The following GAREM2 variants were observed in gnomAD, a reference collection of about 807,000 sequenced individuals.
GAREM2 encodes GRB2-associated and regulator of MAPK protein 2.
A neutral mutation model predicts 55.6 loss-of-function variants in GAREM2; 30 were observed. The observed-to-expected ratio is 0.54, with a 90% confidence interval of 0.40 to 0.73. The LOEUF is 0.73. GAREM2 is among the 30% of genes least tolerant of loss of function. The probability of loss-of-function intolerance (pLI) is 0.00; values close to 1 mark genes in which losing one functional copy is unlikely to be tolerated. For missense variants in GAREM2, 1,075 were observed against 1,257.7 expected (o/e 0.85, Z 2.20); for synonymous variants, 550 against 569.1 (o/e 0.97, Z 0.48).
chr2:26,176,250 C>A, intron 1 of GAREM2, 94 bp from the exon 2 acceptor site: 1 of 1,219,394 alleles, frequency 8.2e-7, no homozygotes. Flanking sequence ...CTCAGGGGGG[C>A]GGTCTTGGTG....
chr2:26,173,818 G>C (rs1383734591), intron 1 of GAREM2, among the ~76,000 whole-genome samples: 1 of 152,206 alleles, frequency 6.6e-6, no homozygotes, highest in Non-Finnish European at 1.5e-5. Flanking sequence ...CTCTTCCCTA[G>C]GAGCAGCCTC....
the GAREM2 span, chr2:26,195,082 A>G: frequency 1.2e-6 from 2 of 1,609,344 alleles, no homozygotes; most frequent in African/African-American, 2.7e-5. Flanking sequence ...TCTGTTATAC[A>G]GCCCCTTACC....
chr2:26,175,299 T>C (rs1343249945), intron 1 of GAREM2, among the ~76,000 whole-genome samples: 2 of 151,642 alleles, frequency 1.3e-5, no homozygotes, highest in Non-Finnish European at 2.9e-5. Flanking sequence ...CCCCTCCTGC[T>C]CCCCTGGAAA....
the GAREM2 span, chr2:26,204,073 T>C: frequency 1.8e-5 from 29 of 1,613,922 alleles, 1 homozygote; most frequent in East Asian, 5.3e-4. Flanking sequence ...CTTTGAACAC[T>C]TGTTGCTGTC....
intron 2 of GAREM2, among the ~76,000 whole-genome samples, chr2:26,178,068 C>T (rs115049643): frequency 0.02 from 2,988 of 152,250 alleles, 106 homozygotes; most frequent in African/African-American, 0.067. Flanking sequence ...AGGACTGAGC[C>T]CTTTACAGAG....
chr2:26,191,178 C>T (rs1291779477), downstream of GAREM2: 2 of 1,456,432 alleles, frequency 1.4e-6, no homozygotes, highest in African/African-American at 1.4e-5. Flanking sequence ...AATCTAGACA[C>T]CACTCTGTTG....
the GAREM2 span, chr2:26,194,766 T>C: frequency 2.8e-5 from 21 of 742,014 alleles, no homozygotes; most frequent in African/African-American, 1.0e-4. Context: ...ACTTAAAATC[T>C]CAATCAGAAT....
chr2:26,177,376 A>G (rs1228682248), intron 2 of GAREM2, among the ~76,000 whole-genome samples: 1 of 152,206 alleles, frequency 6.6e-6, no homozygotes, highest in Non-Finnish European at 1.5e-5. Context: ...GCTGCATGCC[A>G]TATGCTGGGC....
chr2:26,186,495 G>T, intron 5 of GAREM2, 137 bp downstream of exon 5: 1 of 797,966 alleles, frequency 1.3e-6, no homozygotes, highest in Non-Finnish European at 2.0e-6. Context: ...TCCCTGTGCA[G>T]TGGCTCAGGG....
In GAREM2 at chr2:26,187,537, G is replaced by T. The variant is rs748352726; in HGVS notation, c.1905G>T (p.Gly635=). ...APFGALNPFS[G]PAYPSGPSAA... ...TTGGAGCTCTCAACCCTTTTTCCGG[G>T]CCTGCCTACCCCTCAGGCCCTTCAG... The change falls in exon 6 of 6, where the codon GGG becomes GGT. Residue 635 remains glycine, a synonymous_variant. Coordinates refer to ENST00000401533, the MANE Select transcript of GAREM2 (RefSeq NM_001168241.2). 3.9e-6 allele frequency: 6 copies of T among 1,534,562 alleles called. No homozygotes were observed. Among genetic ancestry groups the T allele is most frequent in the South Asian group, 3.7e-5 (3 of 81,404 alleles).
chr2:26,201,168 A>G, the GAREM2 span: 5 of 1,613,504 alleles, frequency 3.1e-6, no homozygotes, highest in East Asian at 1.1e-4. Context: ...TTCCTTTAGC[A>G]CTCTGTGCTT....
At chr2:26,199,267 C>G in the GAREM2 span, 1 of 152,386 alleles carries the variant, frequency 6.6e-6, no homozygotes, top group East Asian at 1.9e-4. Flanking sequence ...ACTCAGGAGG[C>G]TGAAGTGAGA....
chr2:26,198,759 A>C, the GAREM2 span, among the ~76,000 whole-genome samples: 1 of 152,188 alleles, frequency 6.6e-6, no homozygotes, highest in African/African-American at 2.4e-5. Flanking sequence ...TAGTTAATCA[A>C]GAGTGGAGGG....
the GAREM2 span, among the ~76,000 whole-genome samples, chr2:26,202,062 G>T: frequency 9.0e-4 from 136 of 151,912 alleles, no homozygotes; most frequent in African/African-American, 3.0e-3. Context: ...GCCTCCCAAA[G>T]TGTTGGGATT....
chr2:26,195,252 G>A, the GAREM2 span: 5 of 1,607,626 alleles, frequency 3.1e-6, no homozygotes, highest in Non-Finnish European at 3.4e-6. Flanking sequence ...GGAACCAAAA[G>A]CCAACAGATC....
At position 26,184,707 on chromosome 2, in the gene GAREM2, C is replaced by T. The variant is rs1208850105; in HGVS notation, c.859C>T (p.His287Tyr). The change falls in exon 4 of 6, where the codon CAT becomes TAT. Residue 287 changes from histidine (H) to tyrosine (Y), a missense_variant. By Grantham distance (83) the His-to-Tyr change is moderately conservative. This residue lies in a region of GAREM2 where 170 missense variants were observed against 220.7 expected (regional missense o/e 0.77). Transcript: ENST00000401533. ...CGACCTGCACCCGGTGCGGGAGGGT[C>T]ATTGCTACAAGCTGGTTAGCATCAT... ...PYDLHPVREG[H>Y]CYKLVSIISK... is the part of the protein sequence containing the mutation. The T allele has an allele frequency of 6.5e-7, 1 of 1,538,490 alleles. No homozygotes were observed. Among genetic ancestry groups the T allele is most frequent in the East Asian group, 2.5e-5 (1 of 40,028 alleles).
In GAREM2 at chr2:26,189,372, C is replaced by G. The variant is rs563689444; in HGVS notation, c.*1115C>G. The G allele has an allele frequency of 6.6e-6, 1 of 152,234 alleles. No homozygotes were observed. The highest frequency in any genetic ancestry group is 1.5e-5 in the Non-Finnish European group (1 of 68,068). The allele number at this position is 152,234 out of a possible 1,614,324, so 9.4% of individuals were successfully genotyped here. ...ACACACCCCACCCCATCCGTGTCCT[C>G]CATCTCACCCAGAACCACAGGGTGC... On this transcript the variant is annotated 3_prime_UTR_variant, in exon 6 of 6. Coordinates refer to ENST00000401533, the MANE Select transcript of GAREM2 (RefSeq NM_001168241.2).
At chr2:26,194,712 G>A in the GAREM2 span, 6 of 949,404 alleles carry the variant, frequency 6.3e-6, no homozygotes, top group African/African-American at 8.0e-5. Context: ...CCTTTCCCAG[G>A]GTCACTTCAA....
chr2:26,185,101 C>A lies in GAREM2; in HGVS notation c.1253C>A (p.Pro418His). The A allele has an allele frequency of 7.0e-7, 1 of 1,435,762 alleles. No homozygotes were observed. The highest frequency in any genetic ancestry group is 9.1e-7 in the Non-Finnish European group (1 of 1,102,420). The allele number at this position is 1,435,762 out of a possible 1,614,324, so 88.9% of individuals were successfully genotyped here. A position where few individuals can be genotyped will look rare whatever the true frequency, so the allele number is the denominator to read the frequency against. Residue 418 changes from proline to histidine, a missense_variant, in exon 4 of 6, where the codon CCC (proline) becomes CAC (histidine). Pro to His is a moderately conservative substitution (Grantham distance 77, BLOSUM62 -2). Coordinates refer to ENST00000401533, the MANE Select transcript of GAREM2 (RefSeq NM_001168241.2). ...EYVSPDWAAAPEPAAPPAEIP... is the reference protein window; with the variant it reads ...EYVSPDWAAAHEPAAPPAEIP... ...GTGAGCCCCGACTGGGCAGCCGCGC[C>A]CGAGCCCGCCGCGCCGCCCGCCGAG... is the stretch of plus-strand genomic sequence containing the variant.
Sources: allele counts gnomAD v4.1 joint callset (sites outside exome capture counted in the v4.1 genomes callset), GRCh38; gene constraint gnomAD v4.1.1; regional missense constraint gnomAD v4.1.1; transcripts MANE v1.5; gene names NCBI Gene and HGNC (gene_info 2026-07-23, HGNC 2026-07-21).